FAAH2: variants seen among roughly 807,000 people sequenced by gnomAD.
The protein encoded by FAAH2 is fatty acid amide hydrolase 2, also known as fatty-acid amide hydrolase 2.
A neutral mutation model predicts 36.9 loss-of-function variants in FAAH2; 60 were observed. The ratio of observed to expected loss-of-function variants is 1.63; its 90% CI spans 1.32 to 2.02. FAAH2 has a LOEUF of 2.02. FAAH2 is among the 30% of genes most tolerant of loss of function. FAAH2 has a pLI of 0.00. For missense variants in FAAH2, 689 were observed against 397.5 expected, an observed-to-expected ratio of 1.73 and a Z score of -6.23; for synonymous variants, 214 against 143.8, an observed-to-expected ratio of 1.49 and a Z score of -3.49.
intron 10 of FAAH2, among the ~76,000 whole-genome samples, chrX:57,461,679 A>AATCAGAT (rs1410493319): frequency 4.5e-5 from 5 of 111,216 alleles, no homozygotes; most frequent in Non-Finnish European, 7.5e-5. Flanking sequence ...TATAGCACTA[A>AATCAGAT]ATGCCAAAAT....
intron 7 of FAAH2, among the ~76,000 whole-genome samples, chrX:57,420,604 C>G (rs1402382028): frequency 1.8e-5 from 2 of 109,913 alleles, no homozygotes; most frequent in African/African-American, 6.6e-5. Flanking sequence ...TGCTTATCAG[C>G]TTAAGGAGAT....
chrX:57,394,874 C>T (rs1429566133), intron 7 of FAAH2: 27 of 978,371 alleles, frequency 2.8e-5, no homozygotes, highest in East Asian at 6.1e-5. Context: ...AAGCAAGTCA[C>T]GCATCAGGGC....
At chrX:57,368,898 T>G (rs910128096) in intron 5 of FAAH2, among the ~76,000 whole-genome samples, 9 of 110,326 alleles carry the variant, frequency 8.2e-5, no homozygotes, top group African/African-American at 3.0e-4. Context: ...CTAATTTTTT[T>G]TAAAAAGTAA....
chrX:57,156,947 T>C, the FAAH2 span, among the ~76,000 whole-genome samples: 2 of 112,331 alleles, frequency 1.8e-5, no homozygotes, highest in African/African-American at 3.2e-5. Flanking sequence ...AAATACATTT[T>C]AGTCTGTAGA....
the FAAH2 span, among the ~76,000 whole-genome samples, chrX:57,262,056 T>C: frequency 1.1e-5 from 1 of 87,318 alleles, no homozygotes; most frequent in East Asian, 3.3e-4. Flanking sequence ...TTTTAACTTA[T>C]TGGAAATGGA....
At chrX:57,474,787 G>T (rs1414100446) in intron 10 of FAAH2, among the ~76,000 whole-genome samples, 2 of 111,975 alleles carry the variant, frequency 1.8e-5, no homozygotes, top group East Asian at 2.8e-4. Context: ...TTGCCACATT[G>T]TCTTCCACAA....
intron 5 of FAAH2, among the ~76,000 whole-genome samples, chrX:57,348,066 A>T (rs1371879421): frequency 9.1e-6 from 1 of 110,381 alleles, no homozygotes; most frequent in African/African-American, 3.3e-5. Context: ...TTCCTATTTT[A>T]GGTGCTCCAG....
intron 2 of FAAH2, among the ~76,000 whole-genome samples, chrX:57,308,183 G>A (rs758596275): frequency 2.2e-4 from 25 of 111,598 alleles, no homozygotes; most frequent in Non-Finnish European, 4.7e-4. Context: ...TGGGTCAAAT[G>A]GTAGTTTTGT....
chrX:57,333,187 T>A lies in FAAH2; in HGVS notation c.622+1380T>A, dbSNP rs1446129235. Among the ~76,000 whole-genome samples the A allele has an allele frequency of 2.7e-5, 3 of 111,569 alleles. No homozygotes were observed. In the South Asian group the frequency reaches 1.1e-3, roughly 42 times the overall value. ...TTATTTAAGAAGTCTCTAGGGAAACTCAAAGACAACAGAGGAGGTGGAAAC... is the reference window on the plus strand; with the variant it reads ...TTATTTAAGAAGTCTCTAGGGAAACACAAAGACAACAGAGGAGGTGGAAAC... On this transcript the variant is annotated intron_variant, in intron 4 of 10. Coordinates refer to ENST00000374900, the MANE Select transcript of FAAH2 (RefSeq NM_174912.4).
At chrX:57,155,461 G>A in the FAAH2 span, among the ~76,000 whole-genome samples, 9 of 111,497 alleles carry the variant, frequency 8.1e-5, no homozygotes, top group Non-Finnish European at 1.5e-4. Context: ...GCAGTTAGAG[G>A]CCTCACCCAG....
chrX:57,385,027 A>G (rs1190900224), intron 7 of FAAH2, among the ~76,000 whole-genome samples: 1 of 111,123 alleles, frequency 9.0e-6, no homozygotes, highest in Non-Finnish European at 1.9e-5. Context: ...AACTATCACA[A>G]GGACAGAAAA....
chrX:57,212,462 TA>T, the FAAH2 span, among the ~76,000 whole-genome samples: 1 of 111,334 alleles, frequency 9.0e-6, no homozygotes, highest in Non-Finnish European at 1.9e-5. Flanking sequence ...AGTAACAGAA[TA>T]AAATAAAAAA....
chrX:57,384,180 G>A (rs1234420826), intron 7 of FAAH2, among the ~76,000 whole-genome samples: 1 of 108,773 alleles, frequency 9.2e-6, no homozygotes, highest in Non-Finnish European at 1.9e-5. Context: ...AATTCAAGAT[G>A]GATTAAAGAC....
rs186700948 is a variant in FAAH2, at chrX:57,362,830, G to T, written c.743-15821G>T. ...TTATCTAAACACCATTTATTGATAG[G>T]TACTTCATTCCCCATTGCTTGTTAT... is the stretch of plus-strand genomic sequence containing the variant. On this transcript the variant is annotated intron_variant, in intron 5 of 10. Transcript: ENST00000374900. Among the ~76,000 whole-genome samples, 17 of 111,814 alleles carry T rather than the reference G, an allele frequency of 1.5e-4. No individual in the cohort carries two copies. The South Asian group carries it at 6.0e-3, about 39-fold the overall frequency.
rs950750431 is a variant in FAAH2 at position 57,392,688 on chromosome X, A to G, written c.996+11659A>G. Reference sequence around the variant, plus strand: ...GTTCTGTTTCAGGGTCCAAATCAGTATCATAAAAACAGGGCTGGGTGGGGA... The same window carrying G: ...GTTCTGTTTCAGGGTCCAAATCAGTGTCATAAAAACAGGGCTGGGTGGGGA... On this transcript the variant is annotated intron_variant, in intron 7 of 10. Coordinates refer to ENST00000374900, the MANE Select transcript of FAAH2 (RefSeq NM_174912.4). 4.7e-6 allele frequency: 3 copies of G among 642,834 alleles called. No individual in the cohort carries two copies. In the Admixed American group the frequency reaches 6.7e-5, roughly 14 times the overall value. 53.0% of individuals were successfully genotyped at this position (642,834 alleles called of 1,213,427 possible).
chrX:57,404,199 T>C (rs1401790823), intron 7 of FAAH2, among the ~76,000 whole-genome samples: 2 of 112,276 alleles, frequency 1.8e-5, no homozygotes, highest in Non-Finnish European at 3.8e-5. Context: ...TATTGGAGTG[T>C]TATAGGGTCA....
At chrX:57,232,282 G>A in the FAAH2 span, among the ~76,000 whole-genome samples, 1 of 111,193 alleles carries the variant, frequency 9.0e-6, no homozygotes, top group Admixed American at 9.5e-5. Context: ...GGTGAAGTAA[G>A]GTTTATGGGA....
At chrX:57,428,398 A>G (rs2056213408) in intron 7 of FAAH2, among the ~76,000 whole-genome samples, 2 of 111,686 alleles carry the variant, frequency 1.8e-5, no homozygotes. Flanking sequence ...AAATCACCAA[A>G]TTCATATGGA....
chrX:57,190,483 G>T, the FAAH2 span, among the ~76,000 whole-genome samples: 1 of 109,075 alleles, frequency 9.2e-6, no homozygotes, highest in Non-Finnish European at 1.9e-5. Flanking sequence ...CTAGCTTGGT[G>T]TCTGACCAAA....
Sources: allele counts gnomAD v4.1 joint callset (sites outside exome capture counted in the v4.1 genomes callset), GRCh38; gene constraint gnomAD v4.1.1; transcripts MANE v1.5; gene names NCBI Gene and HGNC (gene_info 2026-07-23, HGNC 2026-07-21).